The following PPEF2 variants were observed in gnomAD, a reference collection of about 807,000 sequenced individuals.
The protein encoded by PPEF2 is protein phosphatase with EF-hand domain 2, also known as serine/threonine-protein phosphatase with EF-hands 2.
In PPEF2, 84 loss-of-function variants were observed where a neutral mutation model predicts 84.7. The ratio of observed to expected loss-of-function variants is 0.99; its 90% CI spans 0.83 to 1.19. The LOEUF (loss-of-function observed/expected upper bound fraction) is 1.19, where lower values mean the gene tolerates loss of function less well. Among genes scored for constraint, PPEF2 ranks in the 50% most tolerant of loss-of-function variants. The probability of loss-of-function intolerance (pLI) is 0.00; values close to 1 mark genes in which losing one functional copy is unlikely to be tolerated. For synonymous variants in PPEF2, 346 were observed against 345.2 expected, an observed-to-expected ratio of 1.00 and a Z score of -0.03; for missense variants, 924 against 937.5, an observed-to-expected ratio of 0.99 and a Z score of 0.19.
At chr4:75,883,782 CACTCCAGCCTGG>C (rs1724641388) in intron 8 of PPEF2, among the ~76,000 whole-genome samples, 1 of 134,376 alleles carries the variant, frequency 7.4e-6, no homozygotes, top group African/African-American at 2.9e-5. Context: ...CGCACCACTG[CACTCCAGCCTGG>C]GTGACCAAGC....
intron 8 of PPEF2, chr4:75,883,487 A>G (rs1724632204): frequency 1.5e-5 from 6 of 397,354 alleles, no homozygotes; most frequent in East Asian, 4.3e-5. Context: ...AACAAATTCA[A>G]TGGTTTCATT....
At chr4:75,875,943 G>T (rs2149218297) in intron 11 of PPEF2, among the ~76,000 whole-genome samples, 1 of 152,228 alleles carries the variant, frequency 6.6e-6, no homozygotes, top group African/African-American at 2.4e-5. Context: ...AGAAGCTGCT[G>T]CCTAGCCCTT....
intron 13 of PPEF2, among the ~76,000 whole-genome samples, chr4:75,869,237 C>T (rs1724208154): frequency 6.6e-6 from 1 of 152,152 alleles, no homozygotes; most frequent in Non-Finnish European, 1.5e-5. Context: ...GGGCAATGCC[C>T]TTGAAAGCTA....
In PPEF2 at chr4:75,861,813, G is replaced by T. The variant is rs1434082958; in HGVS notation, c.2009-893C>A. On this transcript the variant is annotated intron_variant, in intron 16 of 16. Transcript: ENST00000286719. ...TTTAGTAGAGACGGGGTTTCACCAT[G>T]TTAGCCAGGATGGTCTCGATCTCCT... 1.8e-3 allele frequency among the ~76,000 whole-genome samples: 227 copies of T among 129,376 alleles called. No homozygotes were observed. The Middle Eastern group carries it at 0.052, about 30-fold the overall frequency. 84.9% of individuals were successfully genotyped at this position (129,376 alleles called of 152,430 possible).
chr4:75,861,788 T>A (rs1390885688), intron 16 of PPEF2, among the ~76,000 whole-genome samples: 10 of 140,892 alleles, frequency 7.1e-5, no homozygotes, highest in Non-Finnish European at 1.5e-4. Flanking sequence ...TTTTTGTATT[T>A]TTAGTAGAGA....
intron 16 of PPEF2, among the ~76,000 whole-genome samples, chr4:75,862,449 C>A (rs1430983286): frequency 6.6e-6 from 1 of 151,742 alleles, no homozygotes; most frequent in Non-Finnish European, 1.5e-5. Flanking sequence ...TCTTACAACT[C>A]AAATAAAAAG....
Position 75,873,151 on chromosome 4 carries a change from G to A in PPEF2, c.1482C>T (p.Gly494=), listed in dbSNP as rs745607937. ...LIRSHECKPE[G]YEFCHNRKVL... Reference sequence around the variant, plus strand: ...CCTTGCGGTTGTGACAGAATTCATAGCCTTCAGGTTTGCATTCATGTGAAC... The same window carrying A: ...CCTTGCGGTTGTGACAGAATTCATAACCTTCAGGTTTGCATTCATGTGAAC... Residue 494 remains glycine (G), a synonymous_variant, in exon 12 of 17, where the codon GGC becomes GGT. Transcript: ENST00000286719. The A allele has an allele frequency of 6.2e-7, 1 of 1,613,948 alleles. No individual in the cohort carries two copies. The highest frequency in any genetic ancestry group is 8.5e-7 in the Non-Finnish European group (1 of 1,179,956).
chr4:75,882,670 T>A, intron 10 of PPEF2: 1 of 338,892 alleles, frequency 3.0e-6, no homozygotes, highest in Non-Finnish European at 5.3e-6. Flanking sequence ...GCTAAGTTTT[T>A]AATTTTTTTA....
Position 75,873,168 on chromosome 4 carries a change from C to CA in PPEF2, c.1464dup (p.Glu489Ter), listed in dbSNP as rs768259054. ...AATTCATAGCCTTCAGGTTTGCATT[C>CA]ATGTGAACGGATCAGGAATTGCATG... On this transcript the variant is annotated frameshift_variant, in exon 12 of 17. Coordinates refer to ENST00000286719, the MANE Select transcript of PPEF2 (RefSeq NM_006239.3). LOFTEE classifies it high-confidence loss of function. The CA allele has an allele frequency of 8.1e-6, 13 of 1,614,048 alleles. No individual in the cohort carries two copies. Among genetic ancestry groups the CA allele is most frequent in the Non-Finnish European group, 1.0e-5 (12 of 1,180,028 alleles).
chr4:75,871,908 G>T, intron 13 of PPEF2, 117 bp downstream of exon 13: 1 of 1,170,222 alleles, frequency 8.5e-7, no homozygotes, highest in Non-Finnish European at 1.2e-6. Context: ...TGCTGACATA[G>T]CCAAATTCTG....
At chr4:75,885,614 C>T (rs1254616155) in intron 7 of PPEF2, among the ~76,000 whole-genome samples, 2 of 152,090 alleles carry the variant, frequency 1.3e-5, no homozygotes, top group Non-Finnish European at 2.9e-5. Flanking sequence ...CCTGTAATAC[C>T]AACACTTTGG....
At position 75,883,089 on chromosome 4, in the gene PPEF2, T is replaced by C; in HGVS notation, c.784-14A>G. The stretch of plus-strand genomic sequence containing the variant: ...CTTCCCGTGTACCTGGAAAAAATGA[T>C]ATAAACAAAATGTTATCAAATAATT... On this transcript the variant is annotated splice_polypyrimidine_tract_variant and intron_variant, in intron 9 of 16. Coordinates refer to ENST00000286719, the MANE Select transcript of PPEF2 (RefSeq NM_006239.3). 6.2e-7 allele frequency: 1 copy of C among 1,613,850 alleles called. No homozygotes were observed. Among genetic ancestry groups the C allele is most frequent in the African/African-American group, 1.3e-5 (1 of 75,042 alleles).
intron 16 of PPEF2, among the ~76,000 whole-genome samples, chr4:75,862,532 A>T (rs1327587733): frequency 6.6e-6 from 1 of 152,180 alleles, no homozygotes; most frequent in African/African-American, 2.4e-5. Flanking sequence ...ACAAATGGCC[A>T]ATAAGCACAT....
intron 1 of PPEF2, among the ~76,000 whole-genome samples, chr4:75,899,642 C>T (rs1312676880): frequency 6.6e-6 from 1 of 152,106 alleles, no homozygotes; most frequent in Non-Finnish European, 1.5e-5. Context: ...CTTATGTTGG[C>T]TAGTTTATTT....
chr4:75,898,686 C>T (rs1725060164), intron 1 of PPEF2, among the ~76,000 whole-genome samples: 1 of 152,142 alleles, frequency 6.6e-6, no homozygotes, highest in Admixed American at 6.5e-5. Context: ...AGTAGGGATT[C>T]CATAAATATT....
At chr4:75,902,203 A>G (rs1400272765) in intron 1 of PPEF2, 27 bp downstream of exon 1, 1 of 152,168 alleles carries the variant, frequency 6.6e-6, no homozygotes, top group Non-Finnish European at 1.5e-5. Context: ...ACCCATTTCT[A>G]CTTTAGGCTA....
intron 5 of PPEF2, chr4:75,889,073 G>A (rs1440122788): frequency 1.3e-5 from 2 of 152,266 alleles, no homozygotes; most frequent in Non-Finnish European, 2.9e-5. Flanking sequence ...TTAGCCGGGT[G>A]TGGTGGCGGG....
At chr4:75,891,776 C>A in intron 3 of PPEF2, 71 bp from the exon 4 acceptor site, 1 of 1,595,906 alleles carries the variant, frequency 6.3e-7, no homozygotes, top group Non-Finnish European at 8.6e-7. Flanking sequence ...GTCCAGTTGG[C>A]CTCACTTTAG....
At position 75,888,065 on chromosome 4, in the gene PPEF2, G is replaced by A. The variant is rs907006478; in HGVS notation, c.532+149C>T. The A allele has an allele frequency of 1.8e-5, 11 of 617,594 alleles. No homozygotes were observed. In the African/African-American group the frequency reaches 2.0e-4, roughly 11 times the overall value. 38.3% of individuals were successfully genotyped at this position (617,594 alleles called of 1,614,324 possible). A position where few individuals can be genotyped will look rare whatever the true frequency, so the allele number is the denominator to read the frequency against. On this transcript the variant is annotated intron_variant, in intron 6 of 16. Coordinates refer to ENST00000286719, the MANE Select transcript of PPEF2 (RefSeq NM_006239.3). Reference sequence around the variant, plus strand: ...ACCACCTCTTTTTTAGGTAAATGTGGAGTGAATATGCAAATTGTGGACCTG... The same window carrying A: ...ACCACCTCTTTTTTAGGTAAATGTGAAGTGAATATGCAAATTGTGGACCTG...
Sources: gnomAD v4.1 joint callset for allele counts (sites outside exome capture counted in the v4.1 genomes callset) on GRCh38, gnomAD v4.1.1 for gene constraint, MANE v1.5 for transcripts, NCBI Gene and HGNC (gene_info 2026-07-23, HGNC 2026-07-21) for gene names.